Variants in DDX31 observed in about 807,000 individuals in gnomAD.
DDX31 encodes the protein DEAD-box helicase 31.
In DDX31, 70 loss-of-function variants were observed where a neutral mutation model predicts 91.3. That is an observed-to-expected ratio of 0.77 (90% confidence interval 0.63 to 0.94). The LOEUF is 0.94. DDX31 is among the 40% of genes least tolerant of loss of function. DDX31 has a pLI of 0.00. For synonymous variants in DDX31, 362 were observed against 350.6 expected (o/e 1.03, Z -0.36); for missense variants, 902 against 925.0 (o/e 0.98, Z 0.32).
chr9:132,659,711 T>C lies in DDX31; in HGVS notation c.522A>G (p.Ser174=), dbSNP rs1319132900. The change falls in exon 5 of 20, where the codon TCA becomes TCG. Residue 174 remains serine (S), a splice_region_variant and synonymous_variant. Coordinates refer to ENST00000372159, the MANE Select transcript of DDX31 (RefSeq NM_022779.9). ...RDALVRSQTG[S]GKTLAYCIPV... ...GGGCAGAGATGAAATGAGACTAACC[T>C]GAGCCCGTCTGGGATCTCACGAGAG... 1.2e-6 allele frequency: 2 copies of C among 1,608,978 alleles called. No individual in the cohort carries two copies. The highest frequency in any genetic ancestry group is 8.5e-7 in the Non-Finnish European group (1 of 1,177,238).
chr9:132,643,981 C>T (rs766482967), intron 13 of DDX31, among the ~76,000 whole-genome samples: 2 of 151,432 alleles, frequency 1.3e-5, no homozygotes, highest in African/African-American at 4.9e-5. Context: ...CAAATAGTAA[C>T]GTCTATCCAA....
At chr9:132,602,513 T>A (rs1358697393) in intron 19 of DDX31, among the ~76,000 whole-genome samples, 1 of 152,134 alleles carries the variant, frequency 6.6e-6, no homozygotes, top group African/African-American at 2.4e-5. Context: ...AGCTGCTGAG[T>A]TGGAATCAAA....
rs1283587638 is a variant in DDX31 at position 132,645,907 on chromosome 9, G to T, written c.1368C>A (p.Gly456=). The T allele has an allele frequency of 6.2e-7, 1 of 1,612,818 alleles. No homozygotes were observed. The highest frequency in any genetic ancestry group is 1.3e-5 in the African/African-American group (1 of 74,994). The change falls in exon 13 of 20, where the codon GGC becomes GGA. Residue 456 remains glycine (G), a synonymous_variant. Transcript: ENST00000372159. ...GATCAGTGCTCACCTCCTGCTCCAT[G>T]CCGCCATGCAGCCGTAGGAATTTTA... is the stretch of plus-strand genomic sequence containing the variant. The part of the protein sequence containing the change: ...MRLKFLRLHG[G]MEQEERTAVF...
intron 16 of DDX31, 150 bp downstream of exon 16, chr9:132,630,114 T>C (rs1007566899): frequency 1.3e-6 from 1 of 756,166 alleles, no homozygotes; most frequent in Non-Finnish European, 2.0e-6. Flanking sequence ...TTAAAGGTTT[T>C]AGTTTTTGCC....
At chr9:132,627,109 G>GA (rs957165702) in intron 16 of DDX31, among the ~76,000 whole-genome samples, 3 of 151,584 alleles carry the variant, frequency 2.0e-5, no homozygotes. Flanking sequence ...TTTTTCTTGA[G>GA]AAAAAAAGAG....
chr9:132,595,124 TA>T lies in DDX31; in HGVS notation c.1995-13del, dbSNP rs1564267560. 1 of 1,606,650 alleles carries T rather than the reference TA, an allele frequency of 6.2e-7. No individual in the cohort carries two copies. Among genetic ancestry groups the T allele is most frequent in the East Asian group, 2.2e-5 (1 of 44,730 alleles). ...TATGAAGGTCAGGCCTGAAGAACAG[TA>T]ACAGCAGAGAGGGAAAAGAAACTTT... On this transcript the variant is annotated splice_polypyrimidine_tract_variant and intron_variant, in intron 19 of 19. Transcript: ENST00000372159. This position sits in a 1 kb window ranked among gnomAD's most constrained non-coding sequence, Gnocchi z 4.6.
intron 1 of DDX31, among the ~76,000 whole-genome samples, chr9:132,664,716 CA>C (rs10668095): frequency 0.019 from 1,871 of 97,366 alleles, 42 homozygotes; most frequent in East Asian, 0.063. Flanking sequence ...GACCCTCGCT[CA>C]AAAAAAAAAA....
intron 19 of DDX31, among the ~76,000 whole-genome samples, chr9:132,608,024 G>A (rs1302852774): frequency 6.6e-6 from 1 of 152,150 alleles, no homozygotes; most frequent in Non-Finnish European, 1.5e-5. Flanking sequence ...AGACAGTGCT[G>A]GGTCTCAGCA....
chr9:132,621,768 T>C (rs1832047780), intron 17 of DDX31, among the ~76,000 whole-genome samples: 1 of 152,238 alleles, frequency 6.6e-6, no homozygotes, highest in African/African-American at 2.4e-5. Context: ...TTCTTACTAC[T>C]GACATGAATC....
At chr9:132,644,187 G>A (rs1256506379) in intron 13 of DDX31, among the ~76,000 whole-genome samples, 1 of 152,058 alleles carries the variant, frequency 6.6e-6, no homozygotes, top group Non-Finnish European at 1.5e-5. Context: ...CCACTGCAAA[G>A]GCTAAATACT....
chr9:132,626,642 T>C (rs1832411682), intron 16 of DDX31, among the ~76,000 whole-genome samples: 1 of 152,004 alleles, frequency 6.6e-6, no homozygotes. Flanking sequence ...TATGCTCTTT[T>C]TTTTTTTTGA....
intron 18 of DDX31, among the ~76,000 whole-genome samples, chr9:132,616,574 T>A (rs1333805165): frequency 2.0e-5 from 3 of 152,198 alleles, no homozygotes; most frequent in Non-Finnish European, 4.4e-5. Context: ...GCCCTGGAAT[T>A]CAGCAGCACA....
chr9:132,663,335 T>A (rs1835104925), intron 1 of DDX31: 1 of 1,288,072 alleles, frequency 7.8e-7, no homozygotes, highest in Admixed American at 2.3e-5. Flanking sequence ...ATGAGAATGC[T>A]GCTCCATCCA....
At position 132,623,704 on chromosome 9, in the gene DDX31, C is replaced by T. The variant is rs546494968; in HGVS notation, c.1713+1960G>A. Among the ~76,000 whole-genome samples, 10 of 152,044 alleles carry T rather than the reference C, an allele frequency of 6.6e-5. No individual in the cohort carries two copies. The South Asian group carries it at 1.9e-3, about 29-fold the overall frequency. On this transcript the variant is annotated intron_variant, in intron 17 of 19. Transcript: ENST00000372159. The stretch of plus-strand genomic sequence containing the variant: ...AAAGAAACTAAGGCTTAGAGAGGTC[C>T]AGTCCCTGCCCAAGGTCACACACTG...
At chr9:132,609,132 C>CAA (rs1165140493) in intron 19 of DDX31, among the ~76,000 whole-genome samples, 1 of 152,026 alleles carries the variant, frequency 6.6e-6, no homozygotes, top group African/African-American at 2.4e-5. Flanking sequence ...GTAGCTGTAA[C>CAA]AGAGTGGGGA....
At chr9:132,638,089 C>A (rs772286024) in intron 14 of DDX31, 2 of 1,290,510 alleles carry the variant, frequency 1.5e-6, no homozygotes, top group East Asian at 3.2e-5. Flanking sequence ...AAGAAATGCA[C>A]GCGCCGGACA....
intron 1 of DDX31, chr9:132,663,150 A>C: frequency 7.8e-7 from 1 of 1,283,628 alleles, no homozygotes; most frequent in Non-Finnish European, 1.0e-6. Context: ...CACACTGGAG[A>C]CCGCACAGGA....
chr9:132,602,129 A>G (rs1830753837), intron 19 of DDX31, among the ~76,000 whole-genome samples: 1 of 152,222 alleles, frequency 6.6e-6, no homozygotes, highest in African/African-American at 2.4e-5. Context: ...TGGAAATAAG[A>G]CCAAAGGGTG....
rs766595495 is a variant in DDX31, at chr9:132,648,465, C to T, written c.827G>A (p.Arg276Gln). ...TTCATCAAACACCAACCACCGCAGC[C>T]GACTAAAATGAATGTTCTTTGTGGA... ...IKSTKNIHFS[R>Q]LRWLVFDEAD... The change falls in exon 10 of 20, where the codon CGG becomes CAG. Residue 276 changes from arginine to glutamine, a missense_variant. Arg to Gln is a conservative substitution (Grantham distance 43, BLOSUM62 1). Coordinates refer to ENST00000372159, the MANE Select transcript of DDX31 (RefSeq NM_022779.9). The T allele has an allele frequency of 1.4e-5, 23 of 1,614,002 alleles. No individual in the cohort carries two copies. The highest frequency in any genetic ancestry group is 2.7e-5 in the African/African-American group (2 of 74,988).
Sources: gnomAD v4.1 joint callset for allele counts (sites outside exome capture counted in the v4.1 genomes callset) on GRCh38, gnomAD v4.1.1 for gene constraint, Gnocchi (gnomAD v3.1) non-coding constraint, MANE v1.5 for transcripts, NCBI Gene and HGNC (gene_info 2026-07-23, HGNC 2026-07-21) for gene names.